Variants in PPM1E observed in about 807,000 individuals in gnomAD.
The protein encoded by PPM1E is protein phosphatase 1E.
PPM1E carries 20 observed loss-of-function variants against 65.9 expected under a neutral mutation model. The observed-to-expected ratio is 0.30, with a 90% CI of 0.21 to 0.44. The LOEUF is 0.44. Ranked by LOEUF, PPM1E falls within the 20% of genes least tolerant of loss-of-function variation. PPM1E has a pLI of 1.00. For missense variants in PPM1E, 713 were observed against 953.1 expected, an observed-to-expected ratio of 0.75 and a Z score of 3.32; for synonymous variants, 352 against 374.9, an observed-to-expected ratio of 0.94 and a Z score of 0.70.
At chr17:58,759,829 T>C (rs993478158) in intron 1 of PPM1E, among the ~76,000 whole-genome samples, 4 of 152,348 alleles carry the variant, frequency 2.6e-5, no homozygotes, top group Admixed American at 2.0e-4. Flanking sequence ...TTCAGTTACA[T>C]TGAATTGTGT....
At chr17:58,805,080 C>T (rs1162996066) in intron 1 of PPM1E, among the ~76,000 whole-genome samples, 1 of 151,950 alleles carries the variant, frequency 6.6e-6, no homozygotes, top group Non-Finnish European at 1.5e-5. Flanking sequence ...TTTCTACCTC[C>T]CTGAGATCAA....
At chr17:58,966,418 TAAAAAAAAA>T (rs55779609) in intron 3 of PPM1E, 6 of 122,456 alleles carry the variant, frequency 4.9e-5, no homozygotes, top group South Asian at 4.4e-4. Context: ...AGCAGTTTTG[TAAAAAAAAA>T]AAAAAAAAAA....
intron 1 of PPM1E, among the ~76,000 whole-genome samples, chr17:58,872,144 A>C (rs1567859794): frequency 6.6e-6 from 1 of 152,048 alleles, no homozygotes; most frequent in Non-Finnish European, 1.5e-5. Flanking sequence ...CTAAAAATAC[A>C]AAATTAGCTG....
Position 58,981,230 on chromosome 17 carries a change from C to G in PPM1E, c.*199C>G. On this transcript the variant is annotated 3_prime_UTR_variant, in exon 7 of 7. Coordinates refer to ENST00000308249, the MANE Select transcript of PPM1E (RefSeq NM_014906.5). ...AAAGAAGTATTGGCAGTTTCACTTG[C>G]AAAATTACACAGCTGGTCCCTGTGA... is the stretch of plus-strand genomic sequence containing the variant. 1 of 528,356 alleles carries G rather than the reference C, an allele frequency of 1.9e-6. No individual in the cohort carries two copies. Among genetic ancestry groups the G allele is most frequent in the Non-Finnish European group, 3.3e-6 (1 of 303,346 alleles). The allele number at this position is 528,356 out of a possible 1,614,324, so 32.7% of individuals were successfully genotyped here. A position where few individuals can be genotyped will look rare whatever the true frequency, so the allele number is the denominator to read the frequency against.
At chr17:58,906,250 G>A (rs2051556755) in intron 1 of PPM1E, among the ~76,000 whole-genome samples, 2 of 151,964 alleles carry the variant, frequency 1.3e-5, no homozygotes, top group Non-Finnish European at 1.5e-5. Context: ...TTCTTAGTTA[G>A]CCTGGCTAGA....
chr17:58,798,547 T>TA (rs1199417253), intron 1 of PPM1E, among the ~76,000 whole-genome samples: 6 of 149,858 alleles, frequency 4.0e-5, no homozygotes, highest in Non-Finnish European at 8.9e-5. Context: ...TTTTTTTTTT[T>TA]ACGCAATAGT....
At chr17:58,808,865 C>A (rs573543971) in intron 1 of PPM1E, among the ~76,000 whole-genome samples, 2 of 151,998 alleles carry the variant, frequency 1.3e-5, no homozygotes, top group South Asian at 4.2e-4. Context: ...AAAAAAAAAA[C>A]TTATTTTAAG....
Position 58,981,583 on chromosome 17 carries a change from G to A in PPM1E, c.*552G>A, listed in dbSNP as rs1271453250. The stretch of plus-strand genomic sequence containing the variant: ...GATTTTAACTGATAACAATGAAAGT[G>A]GTAAATCAGTGTAAAAGTGTCATAT... On this transcript the variant is annotated 3_prime_UTR_variant, in exon 7 of 7. Transcript: ENST00000308249. 1 of 152,596 alleles carries A rather than the reference G, an allele frequency of 6.6e-6. No homozygotes were observed. The highest frequency in any genetic ancestry group is 2.4e-5 in the African/African-American group (1 of 41,418). 9.5% of individuals were successfully genotyped at this position (152,596 alleles called of 1,614,324 possible). A position where few individuals can be genotyped will look rare whatever the true frequency, so the allele number is the denominator to read the frequency against.
At chr17:58,970,167 CTG>C (rs1361075129) in intron 4 of PPM1E, among the ~76,000 whole-genome samples, 1 of 152,152 alleles carries the variant, frequency 6.6e-6, no homozygotes, top group African/African-American at 2.4e-5. Context: ...CAGTGTTTTG[CTG>C]TGTATCTCTT....
chr17:58,842,616 T>A (rs2050730976), intron 1 of PPM1E, among the ~76,000 whole-genome samples: 1 of 151,668 alleles, frequency 6.6e-6, no homozygotes, highest in South Asian at 2.1e-4. Flanking sequence ...AACAGCCTGA[T>A]CAACATGGTG....
chr17:58,914,933 T>C (rs1379871170), intron 1 of PPM1E, among the ~76,000 whole-genome samples: 1 of 152,250 alleles, frequency 6.6e-6, no homozygotes, highest in African/African-American at 2.4e-5. Context: ...TTTTGTAGTG[T>C]CCATATGGGG....
At chr17:58,793,905 G>A (rs891305704) in intron 1 of PPM1E, among the ~76,000 whole-genome samples, 16 of 151,918 alleles carry the variant, frequency 1.1e-4, no homozygotes, top group African/African-American at 3.4e-4. Context: ...GTGCAGCAGC[G>A]CAATCTTGGC....
chr17:58,932,266 C>T (rs1220123055), intron 1 of PPM1E, among the ~76,000 whole-genome samples: 12 of 151,864 alleles, frequency 7.9e-5, no homozygotes, highest in South Asian at 4.2e-4. Flanking sequence ...GTCAGGAGTT[C>T]GAGACCAGCC....
chr17:58,920,446 CT>C (rs1289184479), intron 1 of PPM1E, among the ~76,000 whole-genome samples: 2 of 152,284 alleles, frequency 1.3e-5, no homozygotes, highest in East Asian at 3.9e-4. Flanking sequence ...CCTCCCACAA[CT>C]CCTGTCTTTC....
At chr17:58,857,222 A>T (rs2050892418) in intron 1 of PPM1E, among the ~76,000 whole-genome samples, 1 of 152,162 alleles carries the variant, frequency 6.6e-6, no homozygotes, top group Non-Finnish European at 1.5e-5. Flanking sequence ...TGTAACATTG[A>T]TAAAGTACTT....
At position 58,981,188 on chromosome 17, in the gene PPM1E, C is replaced by T; in HGVS notation, c.*157C>T. On this transcript the variant is annotated 3_prime_UTR_variant, in exon 7 of 7. Transcript: ENST00000308249. ...ATAGATCTCTAGGAAACTCAAAGTA[C>T]AGTGTTTTCAATCTAAAAAGAAGTA... 1.7e-6 allele frequency: 1 copy of T among 602,954 alleles called. No individual in the cohort carries two copies. The allele number at this position is 602,954 out of a possible 1,614,324, so 37.4% of individuals were successfully genotyped here.
At chr17:58,861,496 C>T (rs2050942235) in intron 1 of PPM1E, among the ~76,000 whole-genome samples, 1 of 152,082 alleles carries the variant, frequency 6.6e-6, no homozygotes, top group African/African-American at 2.4e-5. Context: ...GAGATGAAGT[C>T]CAGATTGGCA....
rs747433931 is a variant in PPM1E at position 58,756,240 on chromosome 17, G to T, written c.243G>T (p.Gln81His). ...TAGCCGCGACGGAGGAGGGGGACCA[G>T]GAGCAAGACCCGGAGCCCGAGGAGG... Reference protein sequence around the residue: ...ATVAATEEGDQEQDPEPEEEA... With the variant: ...ATVAATEEGDHEQDPEPEEEA... Residue 81 changes from glutamine to histidine, a missense_variant, in exon 1 of 7, where the codon CAG becomes CAT. Gln to His is a conservative substitution (Grantham distance 24). This residue lies in a region of PPM1E where 212 missense variants were observed against 204.0 expected (regional missense o/e 1.04). Coordinates refer to ENST00000308249, the MANE Select transcript of PPM1E (RefSeq NM_014906.5). 4 of 1,552,428 alleles carry T rather than the reference G, an allele frequency of 2.6e-6. No individual in the cohort carries two copies. In the South Asian group the frequency reaches 4.8e-5, roughly 18 times the overall value.
At chr17:58,977,867 T>C (rs1046656058) in intron 6 of PPM1E, among the ~76,000 whole-genome samples, 8 of 152,212 alleles carry the variant, frequency 5.3e-5, no homozygotes, top group African/African-American at 1.9e-4. Flanking sequence ...CTCAGCCTCT[T>C]GAGTAGCTGG....
Sources: gnomAD v4.1 joint callset for allele counts (sites outside exome capture counted in the v4.1 genomes callset) on GRCh38, gnomAD v4.1.1 for gene constraint, gnomAD v4.1.1 regional missense constraint, MANE v1.5 for transcripts, NCBI Gene and HGNC (gene_info 2026-07-23, HGNC 2026-07-21) for gene names.